Variants in TANGO6 observed in about 807,000 individuals in gnomAD.
The protein encoded by TANGO6 is transport and Golgi organization protein 6 homolog.
Under a neutral mutation model 114.2 loss-of-function variants are expected in TANGO6, and 90 were observed. The ratio of observed to expected loss-of-function variants is 0.79; its 90% CI spans 0.66 to 0.94. The LOEUF (loss-of-function observed/expected upper bound fraction) is 0.94. Ranked by LOEUF, TANGO6 falls within the 40% of genes least tolerant of loss-of-function variation. The probability of loss-of-function intolerance (pLI) is 0.00; values close to 1 mark genes in which losing one functional copy is unlikely to be tolerated. For synonymous variants in TANGO6, 477 were observed against 509.8 expected (o/e 0.94, Z 0.87); for missense variants, 1,274 against 1,315.3 (o/e 0.97, Z 0.49).
At chr16:68,956,272 A>G (rs1963529163) in intron 14 of TANGO6, among the ~76,000 whole-genome samples, 3 of 152,182 alleles carry the variant, frequency 2.0e-5, no homozygotes, top group Admixed American at 2.0e-4. Context: ...TAAAGAGAAA[A>G]CCAGAACTCT....
intron 6 of TANGO6, among the ~76,000 whole-genome samples, chr16:68,878,597 A>T (rs1411193285): frequency 6.6e-6 from 1 of 151,128 alleles, no homozygotes; most frequent in African/African-American, 2.5e-5. Context: ...ACCCCTAAAT[A>T]CTACAGTATG....
chr16:68,966,358 G>A (rs1475789981), intron 14 of TANGO6, among the ~76,000 whole-genome samples: 1 of 151,986 alleles, frequency 6.6e-6, no homozygotes, highest in African/African-American at 2.4e-5. Context: ...CAAAAAATTA[G>A]CCGAGTGTGG....
chr16:68,972,395 T>G (rs1238770063), intron 14 of TANGO6, among the ~76,000 whole-genome samples: 1 of 152,122 alleles, frequency 6.6e-6, no homozygotes, highest in Non-Finnish European at 1.5e-5. Flanking sequence ...CATAAAAAAC[T>G]GCACGTAGAC....
At chr16:68,879,619 C>CTTT (rs201622523) in intron 6 of TANGO6, among the ~76,000 whole-genome samples, 2 of 140,072 alleles carry the variant, frequency 1.4e-5, no homozygotes, top group African/African-American at 2.6e-5. Flanking sequence ...CATTTTCTTT[C>CTTT]TTTTTTTTTT....
chr16:69,028,354 G>A (rs1959539145), intron 16 of TANGO6, among the ~76,000 whole-genome samples: 1 of 152,120 alleles, frequency 6.6e-6, no homozygotes, highest in South Asian at 2.1e-4. Context: ...TTCAGGCCAG[G>A]TGCAGAGGCC....
intron 15 of TANGO6, among the ~76,000 whole-genome samples, chr16:69,000,320 G>A (rs1437908660): frequency 6.6e-6 from 1 of 152,096 alleles, no homozygotes; most frequent in African/African-American, 2.4e-5. Context: ...GAATAATTGG[G>A]TCAGAAAAAG....
chr16:68,959,526 G>A (rs1963569016), intron 14 of TANGO6, among the ~76,000 whole-genome samples: 1 of 152,122 alleles, frequency 6.6e-6, no homozygotes, highest in South Asian at 2.1e-4. Context: ...GGTGGAGGTT[G>A]CAGTGAGCCA....
At chr16:68,863,744 T>G (rs769201792) in intron 3 of TANGO6, among the ~76,000 whole-genome samples, 14 of 152,248 alleles carry the variant, frequency 9.2e-5, no homozygotes, top group Non-Finnish European at 1.3e-4. Context: ...ACTAATTCTT[T>G]GAATGGATAA....
chr16:68,851,859 G>A (rs770147377), intron 1 of TANGO6, among the ~76,000 whole-genome samples: 4 of 152,138 alleles, frequency 2.6e-5, no homozygotes, highest in Non-Finnish European at 5.9e-5. Context: ...TAGCCAGTTC[G>A]ATAGATGGAA....
rs1291298133 is a variant in TANGO6, at chr16:68,862,930, G to A, written c.736-15G>A. 4 of 1,537,830 alleles carry A rather than the reference G, an allele frequency of 2.6e-6. No individual in the cohort carries two copies. The South Asian group carries it at 4.7e-5, about 18-fold the overall frequency. On this transcript the variant is annotated splice_polypyrimidine_tract_variant and intron_variant, in intron 2 of 17. Coordinates refer to ENST00000261778, the MANE Select transcript of TANGO6 (RefSeq NM_024562.2). The stretch of plus-strand genomic sequence containing the variant: ...GGTTTGAATTCCACTAAAGCCAAGT[G>A]CATATTTCTTTTAGGTTCTAACTGA...
At chr16:68,986,483 T>C (rs892988901) in intron 15 of TANGO6, among the ~76,000 whole-genome samples, 1 of 152,080 alleles carries the variant, frequency 6.6e-6, no homozygotes, top group Admixed American at 6.6e-5. Flanking sequence ...TGTCACCTGC[T>C]TGATTTTTGT....
rs1313534922 is a variant in TANGO6, at chr16:68,902,446, T to A, written c.1609T>A (p.Cys537Ser). 1.2e-6 allele frequency: 2 copies of A among 1,613,596 alleles called. No individual in the cohort carries two copies. Among genetic ancestry groups the A allele is most frequent in the East Asian group, 4.5e-5 (2 of 44,864 alleles). The change falls in exon 9 of 18, where the codon TGT becomes AGT. Residue 537 changes from cysteine (C) to serine (S), a missense_variant. By Grantham distance (112) the Cys-to-Ser change is moderately radical. This residue lies in a region of TANGO6 where 908 missense variants were observed against 910.2 expected (regional missense o/e 1.00). Coordinates refer to ENST00000261778, the MANE Select transcript of TANGO6 (RefSeq NM_024562.2). ...DKAVPSLHSL[C>S]QFRVATQGGI... is the part of the protein sequence containing the mutation. ...AGCTGTGCCCTCTCTCCATTCTCTG[T>A]GTCAGTTTAGAGTTGCCACTCAAGG...
intron 9 of TANGO6, among the ~76,000 whole-genome samples, chr16:68,904,850 G>A (rs1266688398): frequency 6.6e-6 from 1 of 152,168 alleles, no homozygotes; most frequent in East Asian, 1.9e-4. Context: ...GGTAATCCCA[G>A]CACTTTGGAA....
rs181692050 is a variant in TANGO6 at position 68,943,739 on chromosome 16, T to C, written c.2701+13444T>C. On this transcript the variant is annotated intron_variant, in intron 14 of 17. Coordinates refer to ENST00000261778, the MANE Select transcript of TANGO6 (RefSeq NM_024562.2). ...TTTTTTGCCCTTTAAGATAAGAATC[T>C]CCTCATTCCTTTTAGTATGGAAAGG... 1.9e-4 allele frequency among the ~76,000 whole-genome samples: 29 copies of C among 152,302 alleles called. 1 individual carries two copies. In the Middle Eastern group the frequency reaches 0.01, roughly 54 times the overall value.
intron 7 of TANGO6, among the ~76,000 whole-genome samples, chr16:68,899,750 C>T (rs1962758800): frequency 1.3e-5 from 2 of 152,084 alleles, no homozygotes; most frequent in African/African-American, 2.4e-5. Flanking sequence ...TAGGTGTGCA[C>T]TACCAAGCCT....
intron 15 of TANGO6, among the ~76,000 whole-genome samples, chr16:68,975,469 C>T (rs531525997): frequency 1.3e-5 from 2 of 152,054 alleles, no homozygotes; most frequent in East Asian, 3.9e-4. Context: ...AATCCTCCCA[C>T]CTCAGCCTCC....
chr16:69,028,856 CAAAAAAA>C (rs397761274), intron 16 of TANGO6, among the ~76,000 whole-genome samples: 3,239 of 65,588 alleles, frequency 0.049, 119 homozygotes, highest in African/African-American at 0.14. Flanking sequence ...CCCAGTTTAA[CAAAAAAA>C]AAAAAAAAAA....
Position 68,989,735 on chromosome 16 carries a change from A to G in TANGO6, c.2842+15567A>G, listed in dbSNP as rs570638556. Among the ~76,000 whole-genome samples the G allele has an allele frequency of 1.1e-4, 16 of 152,332 alleles. No homozygotes were observed. In the South Asian group the frequency reaches 3.3e-3, roughly 32 times the overall value. On this transcript the variant is annotated intron_variant, in intron 15 of 17. Transcript: ENST00000261778. ...TGTGGTTTCTGATATAATACCCTGAACAGTGTTAAATTTTTGTTTCAACAG... is the reference window on the plus strand; with the variant it reads ...TGTGGTTTCTGATATAATACCCTGAGCAGTGTTAAATTTTTGTTTCAACAG...
At chr16:69,058,380 T>C (rs929841821) in intron 17 of TANGO6, among the ~76,000 whole-genome samples, 1 of 152,248 alleles carries the variant, frequency 6.6e-6, no homozygotes, top group Non-Finnish European at 1.5e-5. Flanking sequence ...CTAAATTCTT[T>C]ACATTATTAT....
Sources: allele counts gnomAD v4.1 joint callset (sites outside exome capture counted in the v4.1 genomes callset), GRCh38; gene constraint gnomAD v4.1.1; regional missense constraint gnomAD v4.1.1; transcripts MANE v1.5; gene names NCBI Gene and HGNC (gene_info 2026-07-23, HGNC 2026-07-21).